Variants in RNF13 observed in about 807,000 individuals in gnomAD.
RNF13 encodes ring finger protein 13.
RNF13 carries 19 observed loss-of-function variants against 37.7 expected under a neutral mutation model. The observed-to-expected ratio is 0.50, with a 90% CI of 0.35 to 0.74. The LOEUF is 0.74. Ranked by LOEUF, RNF13 falls within the 30% of genes least tolerant of loss-of-function variation. The probability of loss-of-function intolerance (pLI) is 0.01; values close to 1 mark genes in which losing one functional copy is unlikely to be tolerated. For missense variants in RNF13, 375 were observed against 453.0 expected (o/e 0.83, Z 1.56); for synonymous variants, 144 against 157.8 (o/e 0.91, Z 0.65).
At chr3:149,892,737 G>C (rs1714844213) in intron 4 of RNF13, among the ~76,000 whole-genome samples, 1 of 152,130 alleles carries the variant, frequency 6.6e-6, no homozygotes, top group Non-Finnish European at 1.5e-5. Flanking sequence ...GATGATCTGA[G>C]GTGGAACAGT....
At chr3:149,855,641 T>G (rs1272714200) in intron 3 of RNF13, among the ~76,000 whole-genome samples, 2 of 151,776 alleles carry the variant, frequency 1.3e-5, no homozygotes, top group Non-Finnish European at 2.9e-5. Flanking sequence ...TATGTATTTT[T>G]TTTCCCCCAA....
intron 8 of RNF13, among the ~76,000 whole-genome samples, chr3:149,958,844 T>A (rs1722112594): frequency 1.3e-5 from 2 of 152,246 alleles, no homozygotes; most frequent in African/African-American, 4.8e-5. Context: ...TGTTACAGAA[T>A]GTAATTTAGA....
At chr3:149,951,900 G>A (rs1721380593) in intron 8 of RNF13, among the ~76,000 whole-genome samples, 1 of 152,120 alleles carries the variant, frequency 6.6e-6, no homozygotes, top group South Asian at 2.1e-4. Flanking sequence ...TGGCAGGGCT[G>A]CAATTCAACC....
chr3:149,867,802 G>T (rs1268511551), intron 3 of RNF13, among the ~76,000 whole-genome samples: 1 of 151,662 alleles, frequency 6.6e-6, no homozygotes, highest in East Asian at 1.9e-4. Flanking sequence ...TGATGAGTTA[G>T]GACTTTTACT....
intron 4 of RNF13, among the ~76,000 whole-genome samples, chr3:149,874,747 A>G (rs1712490233): frequency 6.6e-6 from 1 of 152,134 alleles, no homozygotes; most frequent in African/African-American, 2.4e-5. Flanking sequence ...TAAATTTGTA[A>G]TAGTAAGAAT....
intron 4 of RNF13, among the ~76,000 whole-genome samples, chr3:149,877,472 C>CTTTTTTTTTTTTTTT (rs369676407): frequency 1.6e-4 from 16 of 101,450 alleles, no homozygotes; most frequent in East Asian, 2.8e-4. Context: ...TTCTTTCTGT[C>CTTTTTTTTTTTTTTT]TTTTTTTTTT....
At chr3:149,823,451 G>A (rs564488889) in intron 1 of RNF13, among the ~76,000 whole-genome samples, 1 of 152,262 alleles carries the variant, frequency 6.6e-6, no homozygotes, top group African/African-American at 2.4e-5. Context: ...AAATAGGAAT[G>A]TTCTTTTCTG....
intron 1 of RNF13, among the ~76,000 whole-genome samples, chr3:149,828,927 A>G (rs545863062): frequency 6.6e-6 from 1 of 152,288 alleles, no homozygotes; most frequent in South Asian, 2.1e-4. Context: ...TTTGTGATAT[A>G]CTGAACTAAA....
chr3:149,821,215 G>A (rs2108313884), intron 1 of RNF13, among the ~76,000 whole-genome samples: 1 of 152,226 alleles, frequency 6.6e-6, no homozygotes, highest in South Asian at 2.1e-4. Context: ...TGGTAATTTT[G>A]TTTAGCTTTT....
In RNF13 at chr3:149,872,249, T is replaced by G. The variant is rs887107472; in HGVS notation, c.321+95T>G. The stretch of plus-strand genomic sequence containing the variant: ...CCCTTGTTTCAGAAAACATTTAAAA[T>G]TTAAAATCCAGTAAGATTGAAAATA... On this transcript the variant is annotated intron_variant, in intron 4 of 9. Transcript: ENST00000392894. 4.9e-6 allele frequency: 4 copies of G among 823,368 alleles called. No individual in the cohort carries two copies. In the African/African-American group the frequency reaches 7.0e-5, roughly 14 times the overall value. The allele number at this position is 823,368 out of a possible 1,614,324, so 51.0% of individuals were successfully genotyped here.
intron 4 of RNF13, among the ~76,000 whole-genome samples, chr3:149,889,087 T>G (rs1195691966): frequency 6.9e-6 from 1 of 145,610 alleles, no homozygotes; most frequent in Admixed American, 6.7e-5. Flanking sequence ...TACAGGTGTG[T>G]GCCACCACGC....
At chr3:149,849,387 T>C (rs1281497885) in intron 2 of RNF13, among the ~76,000 whole-genome samples, 2 of 152,220 alleles carry the variant, frequency 1.3e-5, no homozygotes, top group African/African-American at 4.8e-5. Context: ...GCCAGTGTGC[T>C]GTGTAGCAAA....
intron 8 of RNF13, among the ~76,000 whole-genome samples, chr3:149,959,508 T>C (rs921942015): frequency 6.6e-6 from 1 of 152,232 alleles, no homozygotes; most frequent in Admixed American, 6.5e-5. Flanking sequence ...CCTTTGCTCA[T>C]TTCATCCTTA....
intron 4 of RNF13, among the ~76,000 whole-genome samples, chr3:149,893,299 A>T (rs955954143): frequency 5.9e-5 from 9 of 152,224 alleles, no homozygotes; most frequent in African/African-American, 1.9e-4. Flanking sequence ...AAGTTAAATT[A>T]TGTAATTTCA....
At chr3:149,959,033 A>AATCT (rs1197994486) in intron 8 of RNF13, among the ~76,000 whole-genome samples, 2 of 152,184 alleles carry the variant, frequency 1.3e-5, no homozygotes, top group Non-Finnish European at 2.9e-5. Context: ...CCATCCAGAT[A>AATCT]ATTGCTTTAT....
chr3:149,953,889 G>A (rs943957176), intron 8 of RNF13, among the ~76,000 whole-genome samples: 4 of 152,186 alleles, frequency 2.6e-5, no homozygotes, highest in African/African-American at 9.7e-5. Context: ...AACTCAACAA[G>A]TGGTAGCAAT....
intron 4 of RNF13, chr3:149,893,799 A>C (rs1283645519): frequency 1.3e-5 from 2 of 152,198 alleles, no homozygotes; most frequent in Non-Finnish European, 2.9e-5. Context: ...CAAAAATGCT[A>C]AACTTACTTT....
At chr3:149,951,007 G>A (rs544626002) in intron 8 of RNF13, among the ~76,000 whole-genome samples, 77 of 152,156 alleles carry the variant, frequency 5.1e-4, no homozygotes, top group African/African-American at 1.8e-3. Context: ...TTTTTCTTGG[G>A]GAAAGGCCTT....
chr3:149,902,080 C>T lies in RNF13; in HGVS notation c.418C>T (p.Leu140=), dbSNP rs747511916. 6 of 1,424,984 alleles carry T rather than the reference C, an allele frequency of 4.2e-6. No homozygotes were observed. Among genetic ancestry groups the T allele is most frequent in the Non-Finnish European group, 1.9e-6 (2 of 1,055,650 alleles). The allele number at this position is 1,424,984 out of a possible 1,614,324, so 88.3% of individuals were successfully genotyped here. A position where few individuals can be genotyped will look rare whatever the true frequency, so the allele number is the denominator to read the frequency against. ...ISMGSNDIEV[L]KKIDIPSVFI... is the part of the protein sequence containing the mutation. ...ATTATTCTTTTATACAGTTGAGGTA[C>T]TAAAGAAAATTGACATTCCATCTGT... The change falls in exon 6 of 10, where the codon CTA becomes TTA. Residue 140 remains leucine, a synonymous_variant. Transcript: ENST00000392894.
Sources: gnomAD v4.1 joint callset for allele counts (sites outside exome capture counted in the v4.1 genomes callset) on GRCh38, gnomAD v4.1.1 for gene constraint, MANE v1.5 for transcripts, NCBI Gene and HGNC (gene_info 2026-07-23, HGNC 2026-07-21) for gene names.